Variants in USPL1 observed in about 807,000 individuals in gnomAD.
USPL1 encodes ubiquitin specific peptidase like 1.
USPL1 carries 27 observed loss-of-function variants against 51.5 expected under a neutral mutation model. The observed-to-expected ratio is 0.52, with a 90% CI of 0.39 to 0.72. USPL1 has a LOEUF of 0.72. Among genes scored for constraint, USPL1 ranks in the 30% least tolerant of loss-of-function variants. The pLI is 0.00. For synonymous variants in USPL1, 451 were observed against 459.6 expected, an observed-to-expected ratio of 0.98 and a Z score of 0.24; for missense variants, 1,226 against 1,268.0, an observed-to-expected ratio of 0.97 and a Z score of 0.50.
intron 3 of USPL1, among the ~76,000 whole-genome samples, chr13:30,625,744 G>A (rs913571847): frequency 5.3e-5 from 8 of 152,056 alleles, no homozygotes; most frequent in South Asian, 4.1e-4. Flanking sequence ...CGCCCAGCCC[G>A]GAGTTTTGGT....
intron 1 of USPL1, among the ~76,000 whole-genome samples, chr13:30,618,648 GCTAT>G (rs1347935719): frequency 4.6e-5 from 7 of 152,150 alleles, no homozygotes; most frequent in South Asian, 2.1e-4. Context: ...CGTTCATTGT[GCTAT>G]CTAACTGGGT....
chr13:30,627,503 T>C (rs894006675), intron 3 of USPL1, among the ~76,000 whole-genome samples: 2 of 145,782 alleles, frequency 1.4e-5, no homozygotes, highest in South Asian at 2.2e-4. Flanking sequence ...GGGCCTCTTA[T>C]GGTTTATTAC....
intron 4 of USPL1, among the ~76,000 whole-genome samples, chr13:30,634,133 C>T (rs923892014): frequency 6.6e-6 from 1 of 152,126 alleles, no homozygotes; most frequent in Non-Finnish European, 1.5e-5. Flanking sequence ...TTACTATGCT[C>T]GTGCTTTGGG....
intron 6 of USPL1, 136 bp from the exon 7 acceptor site, chr13:30,646,796 C>G: frequency 2.2e-6 from 2 of 907,110 alleles, no homozygotes; most frequent in Non-Finnish European, 3.2e-6. Context: ...TAGGGAGGAA[C>G]ATTGCCATAT....
At chr13:30,654,519 T>A (rs1197733323) in intron 8 of USPL1, among the ~76,000 whole-genome samples, 1 of 151,982 alleles carries the variant, frequency 6.6e-6, no homozygotes, top group Non-Finnish European at 1.5e-5. Flanking sequence ...AGGCACATGC[T>A]ATGGCAATAC....
intron 3 of USPL1, among the ~76,000 whole-genome samples, chr13:30,626,704 T>G (rs1950722050): frequency 1.3e-5 from 2 of 152,196 alleles, no homozygotes; most frequent in African/African-American, 4.8e-5. Flanking sequence ...AAAATGTTCC[T>G]TGATTTGTAA....
chr13:30,630,974 A>G lies in USPL1; in HGVS notation c.368A>G (p.Lys123Arg), dbSNP rs1449770328. ...YKDSLLLANS[K>R]KTRNYIAIDG... ...GATTCACTTCTTTTAGCAAATTCCA[A>G]AAAGACTAGAAATTATATTGCTATT... The change falls in exon 4 of 9, where the codon AAA becomes AGA. Residue 123 changes from lysine (K) to arginine (R), a missense_variant. Transcript: ENST00000255304. 2.5e-6 allele frequency: 4 copies of G among 1,614,100 alleles called. No individual in the cohort carries two copies. The South Asian group carries it at 3.3e-5, about 13-fold the overall frequency.
intron 8 of USPL1, among the ~76,000 whole-genome samples, chr13:30,655,489 A>G (rs1423459512): frequency 6.6e-6 from 1 of 152,178 alleles, no homozygotes; most frequent in Non-Finnish European, 1.5e-5. Flanking sequence ...GTCTGGTGGC[A>G]AGTACCCTTT....
intron 5 of USPL1, among the ~76,000 whole-genome samples, chr13:30,641,142 C>A (rs1018286297): frequency 6.6e-6 from 1 of 152,060 alleles, no homozygotes; most frequent in Non-Finnish European, 1.5e-5. Flanking sequence ...TAAAAAGCAC[C>A]GAGGGAATTT....
At chr13:30,646,792 G>A in intron 6 of USPL1, 140 bp from the exon 7 acceptor site, 1 of 867,120 alleles carries the variant, frequency 1.2e-6, no homozygotes, top group Non-Finnish European at 1.7e-6. Context: ...GAGGTAGGGA[G>A]GAACATTGCC....
chr13:30,625,848 AATTT>A (rs1950708240), intron 3 of USPL1, among the ~76,000 whole-genome samples: 1 of 152,220 alleles, frequency 6.6e-6, no homozygotes, highest in African/African-American at 2.4e-5. Flanking sequence ...GAACATGAGT[AATTT>A]ATTATTATTT....
chr13:30,646,866 G>T lies in USPL1; in HGVS notation c.1113-66G>T, dbSNP rs894757694. 6.5e-6 allele frequency: 10 copies of T among 1,527,880 alleles called. No individual in the cohort carries two copies. The African/African-American group carries it at 1.3e-4, about 19-fold the overall frequency. The allele number at this position is 1,527,880 out of a possible 1,614,324, so 94.6% of individuals were successfully genotyped here. A position where few individuals can be genotyped will look rare whatever the true frequency, so the allele number is the denominator to read the frequency against. On this transcript the variant is annotated intron_variant, in intron 6 of 8. Transcript: ENST00000255304. ...ACGAAAAAGGGGAGGAATACTTTTA[G>T]ACATTGGTTTAAATTAATGTAAATG...
intron 8 of USPL1, among the ~76,000 whole-genome samples, chr13:30,654,946 T>G (rs968913975): frequency 1.3e-5 from 2 of 151,044 alleles, no homozygotes; most frequent in African/African-American, 4.9e-5. Context: ...ATATATATGT[T>G]TTTTTTTTTG....
rs754667252 is a variant in USPL1 at position 30,658,511 on chromosome 13, T to C, written c.2434T>C (p.Ser812Pro). The C allele has an allele frequency of 1.2e-6, 2 of 1,614,038 alleles. No individual in the cohort carries two copies. Among genetic ancestry groups the C allele is most frequent in the Non-Finnish European group, 1.7e-6 (2 of 1,180,028 alleles). The part of the protein sequence containing the change: ...KGINQKASHV[S>P]KKARKSASKP... ...TATAAACCAGAAGGCCAGCCACGTATCCAAGAAAGCTCGTAAGAGTGCAAG... is the reference window on the plus strand; with the variant it reads ...TATAAACCAGAAGGCCAGCCACGTACCCAAGAAAGCTCGTAAGAGTGCAAG... The change falls in exon 9 of 9, where the codon TCC (serine) becomes CCC (proline). Residue 812 changes from serine to proline, a missense_variant. Transcript: ENST00000255304.
chr13:30,643,604 C>A, intron 6 of USPL1, among the ~76,000 whole-genome samples: 1 of 129,146 alleles, frequency 7.7e-6, no homozygotes, highest in East Asian at 2.1e-4. Flanking sequence ...CTTTCCACCC[C>A]CCCCCGCCCT....
At chr13:30,650,676 T>C (rs1421636735) in intron 7 of USPL1, among the ~76,000 whole-genome samples, 4 of 151,838 alleles carry the variant, frequency 2.6e-5, no homozygotes, top group Admixed American at 2.6e-4. Context: ...GGGAAAAAAT[T>C]TGGAATTCAT....
In USPL1 at chr13:30,657,946, T is replaced by C. The variant is rs1951188540; in HGVS notation, c.1869T>C (p.Asn623=). The C allele has an allele frequency of 1.2e-6, 2 of 1,613,732 alleles. No individual in the cohort carries two copies. The change falls in exon 9 of 9, where the codon AAT becomes AAC. Residue 623 remains asparagine, a synonymous_variant. Coordinates refer to ENST00000255304, the MANE Select transcript of USPL1 (RefSeq NM_005800.5). ...VAENTGILKT[N]TLLSQESLMA... is the part of the protein sequence containing the mutation. ...AAAATACAGGAATTCTCAAAACCAA[T>C]ACTTTGCTATCACAAGAATCACTAA...
Position 30,654,908 on chromosome 13 carries a change from T to G in USPL1, c.1396+1603T>G, listed in dbSNP as rs183156637. 1.2e-3 allele frequency among the ~76,000 whole-genome samples: 179 copies of G among 152,170 alleles called. 1 individual carries two copies. Among genetic ancestry groups the G allele is most frequent in the Admixed American group, 8.3e-3 (127 of 15,286 alleles). On this transcript the variant is annotated intron_variant, in intron 8 of 8. Transcript: ENST00000255304. ...AATGCTCTCATAAAAAAAGTAATGCTCAGTTTACTTTTTTTATATCAGATC... is the reference window on the plus strand; with the variant it reads ...AATGCTCTCATAAAAAAAGTAATGCGCAGTTTACTTTTTTTATATCAGATC...
At chr13:30,642,782 TG>T in intron 6 of USPL1, 25 bp downstream of exon 6, 1 of 1,602,034 alleles carries the variant, frequency 6.2e-7, no homozygotes, top group Non-Finnish European at 8.5e-7. Flanking sequence ...TTTTTTAAAA[TG>T]GGTTCTTCTA....
Sources: gnomAD v4.1 joint callset for allele counts (sites outside exome capture counted in the v4.1 genomes callset) on GRCh38, gnomAD v4.1.1 for gene constraint, MANE v1.5 for transcripts, NCBI Gene and HGNC (gene_info 2026-07-23, HGNC 2026-07-21) for gene names.